Variants in YIPF4 observed in about 807,000 individuals in gnomAD.
YIPF4 encodes the protein protein YIPF4.
YIPF4 carries 18 observed loss-of-function variants against 29.4 expected under a neutral mutation model. That is an observed-to-expected ratio of 0.61 (90% confidence interval 0.42 to 0.91). YIPF4 has a LOEUF of 0.91. Among genes scored for constraint, YIPF4 ranks in the 40% least tolerant of loss-of-function variants. The pLI, the probability that YIPF4 is intolerant of heterozygous loss-of-function variation, is 0.00. For missense variants in YIPF4, 279 were observed against 282.7 expected, an observed-to-expected ratio of 0.99 and a Z score of 0.09; for synonymous variants, 115 against 104.7, an observed-to-expected ratio of 1.10 and a Z score of -0.60.
chr2:32,314,905 AG>A lies in YIPF4; in HGVS notation c.*9280del, dbSNP rs1410857783. 2 of 152,208 alleles carry A rather than the reference AG, an allele frequency of 1.3e-5. No homozygotes were observed. Among genetic ancestry groups the A allele is most frequent in the African/African-American group, 4.8e-5 (2 of 41,460 alleles). The allele number at this position is 152,208 out of a possible 1,614,324, so 9.4% of individuals were successfully genotyped here. On this transcript the variant is annotated 3_prime_UTR_variant, in exon 6 of 6. Transcript: ENST00000238831. Reference sequence around the variant, plus strand: ...GGTAGCATGTCAAATTGGTATAAAAAGATGGAATATTAAATAAGTGGGGATA... The same window carrying A: ...GGTAGCATGTCAAATTGGTATAAAAAATGGAATATTAAATAAGTGGGGATA...
chr2:32,295,625 C>T (rs1047792972), intron 3 of YIPF4, among the ~76,000 whole-genome samples: 6 of 151,906 alleles, frequency 3.9e-5, no homozygotes, highest in Non-Finnish European at 5.9e-5. Flanking sequence ...TTTTTTTAGA[C>T]GGAGTTTCAC....
In YIPF4 at chr2:32,306,741, T is replaced by C; in HGVS notation, c.*1115T>C. ...TTTTTAGATACACCTGTAGTTAATA[T>C]TACTTTGTAAAGTAGGTAAATCATT... On this transcript the variant is annotated 3_prime_UTR_variant, in exon 6 of 6. Coordinates refer to ENST00000238831, the MANE Select transcript of YIPF4 (RefSeq NM_032312.4). 9.8e-6 allele frequency: 3 copies of C among 305,074 alleles called. No individual in the cohort carries two copies. The highest frequency in any genetic ancestry group is 1.4e-5 in the Non-Finnish European group (3 of 207,862). 18.9% of individuals were successfully genotyped at this position (305,074 alleles called of 1,614,324 possible).
intron 5 of YIPF4, among the ~76,000 whole-genome samples, chr2:32,304,250 T>G (rs576728270): frequency 6.6e-6 from 1 of 152,192 alleles, no homozygotes; most frequent in African/African-American, 2.4e-5. Context: ...GTATATAGTT[T>G]AAGTGCAGTG....
intron 1 of YIPF4, among the ~76,000 whole-genome samples, chr2:32,286,869 T>C (rs1248459860): frequency 6.6e-6 from 1 of 152,180 alleles, no homozygotes; most frequent in Non-Finnish European, 1.5e-5. Context: ...GTGATCAAGC[T>C]CCAGTATAGG....
intron 2 of YIPF4, among the ~76,000 whole-genome samples, chr2:32,291,851 C>G (rs2030932162): frequency 6.6e-6 from 1 of 152,134 alleles, no homozygotes; most frequent in South Asian, 2.1e-4. Flanking sequence ...AAGTCACAAG[C>G]AGAAAATTTT....
In YIPF4 at chr2:32,314,070, A is replaced by G. The variant is rs2031773068; in HGVS notation, c.*8444A>G. Reference sequence around the variant, plus strand: ...ATATATTCAACCGAAATGCATGTACATGTACCATAAGAGACATATGTACAA... The same window carrying G: ...ATATATTCAACCGAAATGCATGTACGTGTACCATAAGAGACATATGTACAA... On this transcript the variant is annotated 3_prime_UTR_variant, in exon 6 of 6. Coordinates refer to ENST00000238831, the MANE Select transcript of YIPF4 (RefSeq NM_032312.4). 1 of 152,248 alleles carries G rather than the reference A, an allele frequency of 6.6e-6. No individual in the cohort carries two copies. Among genetic ancestry groups the G allele is most frequent in the Admixed American group, 6.5e-5 (1 of 15,278 alleles). The allele number at this position is 152,248 out of a possible 1,614,324, so 9.4% of individuals were successfully genotyped here.
chr2:32,291,674 C>G (rs2030923998), intron 2 of YIPF4, among the ~76,000 whole-genome samples: 1 of 152,144 alleles, frequency 6.6e-6, no homozygotes, highest in Non-Finnish European at 1.5e-5. Context: ...AAAGGGCTAT[C>G]TCCTTATTAG....
chr2:32,287,657 C>A (rs1430259605), intron 1 of YIPF4, among the ~76,000 whole-genome samples: 2 of 152,102 alleles, frequency 1.3e-5, no homozygotes, highest in Non-Finnish European at 2.9e-5. Context: ...GACCCCATAC[C>A]CAGTCATACA....
chr2:32,301,474 A>C lies in YIPF4; in HGVS notation c.576A>C (p.Glu192Asp). 6.2e-7 allele frequency: 1 copy of C among 1,610,594 alleles called. No individual in the cohort carries two copies. The highest frequency in any genetic ancestry group is 1.3e-5 in the African/African-American group (1 of 74,978). The change falls in exon 5 of 6, where the codon GAA becomes GAC. Residue 192 changes from glutamate (E) to aspartate (D), a missense_variant. Transcript: ENST00000238831. ...APVLLVVGSFEVVSTLIKLFG... is the reference protein window; with the variant it reads ...APVLLVVGSFDVVSTLIKLFG... ...TACTTTTGGTGGTTGGATCATTTGA[A>C]GTGGTGTCTACACTTATAAAAGTAA...
rs1336808398 is a variant in YIPF4 at position 32,308,839 on chromosome 2, C to CA, written c.*3215dup. On this transcript the variant is annotated 3_prime_UTR_variant, in exon 6 of 6. Coordinates refer to ENST00000238831, the MANE Select transcript of YIPF4 (RefSeq NM_032312.4). ...CGGGTGGATCACGAGATCAGGAGAT[C>CA]AAGACCATGGTGAAACCCCGTCTCT... 1 of 151,808 alleles carries CA rather than the reference C, an allele frequency of 6.6e-6. No individual in the cohort carries two copies. The highest frequency in any genetic ancestry group is 1.5e-5 in the Non-Finnish European group (1 of 68,024). The allele number at this position is 151,808 out of a possible 1,614,324, so 9.4% of individuals were successfully genotyped here.
intron 4 of YIPF4, among the ~76,000 whole-genome samples, chr2:32,299,186 T>A (rs2031305769): frequency 6.6e-6 from 1 of 152,152 alleles, no homozygotes; most frequent in Admixed American, 6.5e-5. Context: ...AATTTATTCT[T>A]ACAGAAATTC....
intron 1 of YIPF4, among the ~76,000 whole-genome samples, chr2:32,285,664 T>C (rs940381396): frequency 6.6e-6 from 1 of 151,648 alleles, no homozygotes; most frequent in Middle Eastern, 3.2e-3. Flanking sequence ...TCCTTTTTTT[T>C]TTTTTTTTGG....
At chr2:32,298,571 T>C (rs1558480239) in intron 4 of YIPF4, among the ~76,000 whole-genome samples, 1 of 152,178 alleles carries the variant, frequency 6.6e-6, no homozygotes, top group Non-Finnish European at 1.5e-5. Context: ...ATTTTTTATT[T>C]ATTTATTTGA....
rs559047336 is a variant in YIPF4 at position 32,279,816 on chromosome 2, T to C, written c.79+1582T>C. The stretch of plus-strand genomic sequence containing the variant: ...TGGCATTGTTTTTTAAAAATAGTAC[T>C]GGTCATAATTTAAAATGTACAATAA... On this transcript the variant is annotated intron_variant, in intron 1 of 5. Transcript: ENST00000238831. 2.6e-5 allele frequency among the ~76,000 whole-genome samples: 4 copies of C among 151,920 alleles called. 1 individual carries two copies. Among genetic ancestry groups the C allele is most frequent in the African/African-American group, 9.6e-5 (4 of 41,508 alleles).
Position 32,301,303 on chromosome 2 carries a change from G to T in YIPF4, c.484-79G>T, listed in dbSNP as rs146793994. ...CTCACATTTATTTGAATACAGCAAGGAATATATGGTGTTCAATTTTGATTA... is the reference window on the plus strand; with the variant it reads ...CTCACATTTATTTGAATACAGCAAGTAATATATGGTGTTCAATTTTGATTA... On this transcript the variant is annotated intron_variant, in intron 4 of 5. Transcript: ENST00000238831. 2.6e-3 allele frequency: 2,231 copies of T among 849,424 alleles called. 7 individuals carry two copies. The highest frequency in any genetic ancestry group is 3.4e-3 in the Admixed American group (174 of 50,488). 52.6% of individuals were successfully genotyped at this position (849,424 alleles called of 1,614,324 possible). A position where few individuals can be genotyped will look rare whatever the true frequency, so the allele number is the denominator to read the frequency against.
At chr2:32,282,581 C>T (rs1332762622) in intron 1 of YIPF4, among the ~76,000 whole-genome samples, 2 of 151,942 alleles carry the variant, frequency 1.3e-5, no homozygotes, top group Non-Finnish European at 2.9e-5. Flanking sequence ...TACAGGCTCG[C>T]GCCACCACAC....
chr2:32,305,929 A>T lies in YIPF4; in HGVS notation c.*303A>T. On this transcript the variant is annotated 3_prime_UTR_variant, in exon 6 of 6. Transcript: ENST00000238831. ...TCACCTAAAAACTTGTGCCAAAAGC[A>T]CCTGGATTGGTAATTATATTTCACT... 9.8e-7 allele frequency: 1 copy of T among 1,017,874 alleles called. No homozygotes were observed. The highest frequency in any genetic ancestry group is 1.2e-6 in the Non-Finnish European group (1 of 851,784). The allele number at this position is 1,017,874 out of a possible 1,614,324, so 63.1% of individuals were successfully genotyped here. A position where few individuals can be genotyped will look rare whatever the true frequency, so the allele number is the denominator to read the frequency against.
intron 1 of YIPF4, among the ~76,000 whole-genome samples, chr2:32,282,937 G>T (rs570108002): frequency 2.0e-5 from 3 of 151,762 alleles, no homozygotes; most frequent in African/African-American, 7.3e-5. Flanking sequence ...ATTAGCCGGG[G>T]GTGGTGGCGG....
intron 3 of YIPF4, among the ~76,000 whole-genome samples, chr2:32,292,750 G>T (rs999583107): frequency 1.3e-5 from 2 of 151,254 alleles, no homozygotes; most frequent in Non-Finnish European, 2.9e-5. Context: ...TGTAATCCCA[G>T]CTACTCGGGA....
Sources: allele counts gnomAD v4.1 joint callset (sites outside exome capture counted in the v4.1 genomes callset), GRCh38; gene constraint gnomAD v4.1.1; transcripts MANE v1.5; gene names NCBI Gene and HGNC (gene_info 2026-07-23, HGNC 2026-07-21).